The following SLC12A7 variants were observed in gnomAD, a reference collection of about 807,000 sequenced individuals.
SLC12A7 encodes the protein K-Cl cotransporter 4.
Under a neutral mutation model 120.6 loss-of-function variants are expected in SLC12A7, and 100 were observed. The ratio of observed to expected loss-of-function variants is 0.83; its 90% CI spans 0.71 to 0.98. The LOEUF is 0.98. Ranked by LOEUF, SLC12A7 falls within the 50% of genes least tolerant of loss-of-function variation. SLC12A7 has a pLI of 0.00. For synonymous variants in SLC12A7, 760 were observed against 678.0 expected, an observed-to-expected ratio of 1.12 and a Z score of -1.88; for missense variants, 1,373 against 1,548.1, an observed-to-expected ratio of 0.89 and a Z score of 1.90.
At chr5:1,093,953 G>A (rs1007298667) in intron 2 of SLC12A7, among the ~76,000 whole-genome samples, 27 of 152,106 alleles carry the variant, frequency 1.8e-4, no homozygotes, top group African/African-American at 6.5e-4. Context: ...GAGCCCAGAA[G>A]GCACCAGCCG....
chr5:1,092,639 G>A (rs956289989), intron 3 of SLC12A7, among the ~76,000 whole-genome samples: 13 of 152,316 alleles, frequency 8.5e-5, no homozygotes, highest in Admixed American at 8.5e-4. Flanking sequence ...GGGCTGACTC[G>A]GGAAATGACA....
intron 22 of SLC12A7, among the ~76,000 whole-genome samples, chr5:1,056,813 T>A (rs1735664357): frequency 1.3e-5 from 2 of 152,166 alleles, no homozygotes; most frequent in Admixed American, 1.3e-4. Context: ...AGGCTGCGTC[T>A]GCAGAACCAA....
intron 18 of SLC12A7, among the ~76,000 whole-genome samples, chr5:1,064,518 C>T (rs1579330623): frequency 2.6e-5 from 4 of 152,242 alleles, no homozygotes; most frequent in Admixed American, 6.5e-5. Context: ...TTCAGATGGC[C>T]GCTCCCAGGG....
chr5:1,088,301 CT>C lies in SLC12A7; in HGVS notation c.544+4del. The C allele has an allele frequency of 1.3e-6, 2 of 1,584,080 alleles. No homozygotes were observed. Among genetic ancestry groups the C allele is most frequent in the Non-Finnish European group, 1.7e-6 (2 of 1,165,770 alleles). ...TCAGGGCCGCGGCTGGCGGGCACCC[CT>C]TACCTGGGACCACACCGTTGGTAGC... On this transcript the variant is annotated splice_donor_region_variant and intron_variant, in intron 5 of 23. Transcript: ENST00000264930.
Position 1,050,767 on chromosome 5 carries a change from A to G in SLC12A7, c.*1593T>C. ...TAACTCATGCTTAGCCAAGGCAGGC[A>G]GAGGCTGTGGGAACTGCTGAGCCCC... is the stretch of plus-strand genomic sequence containing the variant. On this transcript the variant is annotated 3_prime_UTR_variant, in exon 24 of 24. Transcript: ENST00000264930. 1 of 398,290 alleles carries G rather than the reference A, an allele frequency of 2.5e-6. No individual in the cohort carries two copies. The highest frequency in any genetic ancestry group is 4.4e-6 in the Non-Finnish European group (1 of 225,952). The allele number at this position is 398,290 out of a possible 1,614,324, so 24.7% of individuals were successfully genotyped here.
At position 1,076,105 on chromosome 5, in the gene SLC12A7, G is replaced by C. The variant is rs765745123; in HGVS notation, c.1847+33C>G. The stretch of plus-strand genomic sequence containing the variant: ...AGAGGCACCCAGTGTCCCAGCCTGT[G>C]GGGCTCCTCACGCCCGTGCTGAGTG... On this transcript the variant is annotated intron_variant, in intron 14 of 23. Transcript: ENST00000264930. 51 of 1,564,812 alleles carry C rather than the reference G, an allele frequency of 3.3e-5. No individual in the cohort carries two copies. In the Admixed American group the frequency reaches 8.9e-4, roughly 27 times the overall value.
intron 1 of SLC12A7, among the ~76,000 whole-genome samples, chr5:1,097,702 A>T (rs1741409892): frequency 6.6e-6 from 1 of 152,190 alleles, no homozygotes; most frequent in Non-Finnish European, 1.5e-5. Flanking sequence ...GGGACGGAAT[A>T]CAGAAAAGCA....
chr5:1,119,413 G>A, the SLC12A7 span, among the ~76,000 whole-genome samples: 3 of 152,204 alleles, frequency 2.0e-5, no homozygotes, highest in African/African-American at 7.2e-5. Flanking sequence ...TAGGGCCCCA[G>A]CTCCCAGGGG....
intron 1 of SLC12A7, among the ~76,000 whole-genome samples, chr5:1,107,309 T>C (rs1742603613): frequency 6.6e-6 from 1 of 152,232 alleles, no homozygotes; most frequent in South Asian, 2.1e-4. Context: ...GGTCGCTTTC[T>C]GTGCTTTACA....
chr5:1,138,160 G>A, the SLC12A7 span, among the ~76,000 whole-genome samples: 1 of 152,012 alleles, frequency 6.6e-6, no homozygotes, highest in African/African-American at 2.4e-5. Context: ...CCCAAAGAGT[G>A]AGCAGCAGCA....
intron 22 of SLC12A7, among the ~76,000 whole-genome samples, chr5:1,055,847 C>T (rs970655732): frequency 3.9e-5 from 6 of 152,234 alleles, no homozygotes; most frequent in Admixed American, 2.0e-4. Flanking sequence ...CTGCACGCCT[C>T]GCACATAGCT....
chr5:1,062,484 C>G (rs1045579636), intron 20 of SLC12A7, among the ~76,000 whole-genome samples: 10 of 152,210 alleles, frequency 6.6e-5, no homozygotes, highest in Non-Finnish European at 1.3e-4. Flanking sequence ...TCACGCAGGC[C>G]TGCAGCCCTC....
chr5:1,066,547 C>T (rs1683503521), intron 17 of SLC12A7, among the ~76,000 whole-genome samples: 1 of 152,170 alleles, frequency 6.6e-6, no homozygotes, highest in Admixed American at 6.5e-5. Context: ...AAGAGGATAC[C>T]CGCATCCCAG....
At chr5:1,081,814 A>G (rs1739158332) in intron 8 of SLC12A7, 70 bp from the exon 9 acceptor site, 4 of 1,542,602 alleles carry the variant, frequency 2.6e-6, no homozygotes, top group East Asian at 4.6e-5. Flanking sequence ...GGGGCCGCCC[A>G]CTCCCCGGCA....
At chr5:1,074,985 T>G (rs1738164207) in intron 15 of SLC12A7, among the ~76,000 whole-genome samples, 1 of 148,464 alleles carries the variant, frequency 6.7e-6, no homozygotes, top group South Asian at 2.2e-4. Flanking sequence ...ACGAGGCGGG[T>G]GCAGGTGGAG....
chr5:1,061,798 A>AC (rs2150792334), intron 20 of SLC12A7, among the ~76,000 whole-genome samples: 1 of 52,532 alleles, frequency 1.9e-5, no homozygotes, highest in African/African-American at 4.9e-5. Context: ...AAAAATACAA[A>AC]GAAAAAAAAA....
chr5:1,115,242 C>T (rs543872876), upstream of SLC12A7, among the ~76,000 whole-genome samples: 73 of 152,328 alleles, frequency 4.8e-4, no homozygotes, highest in African/African-American at 1.6e-3. Context: ...AAAGTGTAGC[C>T]GATGGTGGTT....
chr5:1,137,975 T>C, the SLC12A7 span, among the ~76,000 whole-genome samples: 4 of 152,210 alleles, frequency 2.6e-5, no homozygotes, highest in Non-Finnish European at 4.4e-5. Flanking sequence ...CCTGGGCTCC[T>C]GGTTCCTGAG....
chr5:1,125,769 A>G, the SLC12A7 span, among the ~76,000 whole-genome samples: 4 of 151,958 alleles, frequency 2.6e-5, no homozygotes, highest in African/African-American at 9.7e-5. Flanking sequence ...TACTAAATAT[A>G]CACAAATTAG....
Sources: allele counts gnomAD v4.1 joint callset (sites outside exome capture counted in the v4.1 genomes callset), GRCh38; gene constraint gnomAD v4.1.1; transcripts MANE v1.5; gene names NCBI Gene and HGNC (gene_info 2026-07-23, HGNC 2026-07-21).